The following SLC16A3 variants were observed in gnomAD, a reference collection of about 807,000 sequenced individuals.
SLC16A3 encodes monocarboxylate transporter 4.
A neutral mutation model predicts 25.0 loss-of-function variants in SLC16A3; 22 were observed. That is an observed-to-expected ratio of 0.88 (90% CI 0.63 to 1.26). The LOEUF is 1.26. SLC16A3 is among the 50% of genes most tolerant of loss of function. The pLI is 0.00. For synonymous variants in SLC16A3, 390 were observed against 309.2 expected, an observed-to-expected ratio of 1.26 and a Z score of -2.74; for missense variants, 731 against 666.6, an observed-to-expected ratio of 1.10 and a Z score of -1.06.
chr17:82,236,615 C>T lies in SLC16A3; in HGVS notation c.224-114C>T, dbSNP rs72634335. Reference sequence around the variant, plus strand: ...CCCACGGGGTGCCCCTGGTGCCCCGCGGGGGGAGGGGTGGTGTGGGAAGGG... The same window carrying T: ...CCCACGGGGTGCCCCTGGTGCCCCGTGGGGGGAGGGGTGGTGTGGGAAGGG... On this transcript the variant is annotated intron_variant, in intron 2 of 4. Transcript: ENST00000582743. 16,519 of 1,452,684 alleles carry T rather than the reference C, an allele frequency of 0.011. 1,479 individuals carry two copies. The Admixed American group carries it at 0.2, about 18-fold the overall frequency. The allele number at this position is 1,452,684 out of a possible 1,614,324, so 90.0% of individuals were successfully genotyped here.
chr17:82,220,852 C>T (rs1387539271), intron 1 of SLC16A3, among the ~76,000 whole-genome samples: 4 of 152,130 alleles, frequency 2.6e-5, no homozygotes, highest in Non-Finnish European at 5.9e-5. Flanking sequence ...CAGAGTCTCA[C>T]TCTGTCACCC....
chr17:82,237,640 G>A lies in SLC16A3; in HGVS notation c.870G>A (p.Val290=), dbSNP rs2050642573. The change falls in exon 4 of 5, where the codon GTG becomes GTA. Residue 290 remains valine (V), a synonymous_variant. Coordinates refer to ENST00000582743, the MANE Select transcript of SLC16A3 (RefSeq NM_004207.4). ...GCTTCGTGGCGGGGCTTGGGAAGGT[G>A]CGGCCCTACTCCGTCTACCTCTTCA... The part of the protein sequence containing the change: ...AAGFVAGLGK[V]RPYSVYLFSF... The A allele has an allele frequency of 5.6e-6, 9 of 1,612,780 alleles. No individual in the cohort carries two copies. In the African/African-American group the frequency reaches 1.2e-4, roughly 22 times the overall value.
chr17:82,232,377 C>T (rs2050512011), intron 1 of SLC16A3: 1 of 152,478 alleles, frequency 6.6e-6, no homozygotes, highest in Non-Finnish European at 1.5e-5. Flanking sequence ...GTCTGCAGGT[C>T]CAGACGCCTG....
intron 1 of SLC16A3, chr17:82,234,048 G>C (rs371319167): frequency 1.8e-5 from 1 of 57,006 alleles, no homozygotes; most frequent in Non-Finnish European, 4.5e-5. Context: ...CACCGTGTTA[G>C]CCAGGATGGT....
chr17:82,239,001 C>G lies in SLC16A3; in HGVS notation c.*25C>G. The G allele has an allele frequency of 2.0e-6, 3 of 1,502,826 alleles. No homozygotes were observed. The highest frequency in any genetic ancestry group is 1.4e-5 in the South Asian group (1 of 72,026). 93.1% of individuals were successfully genotyped at this position (1,502,826 alleles called of 1,614,324 possible). A position where few individuals can be genotyped will look rare whatever the true frequency, so the allele number is the denominator to read the frequency against. On this transcript the variant is annotated 3_prime_UTR_variant, in exon 5 of 5. Transcript: ENST00000582743. ...AGTGGCTGGGCGGGGCCGGCAGGCACAGGGAGGAGGTACAGAAGCCGGCAA... is the reference window on the plus strand; with the variant it reads ...AGTGGCTGGGCGGGGCCGGCAGGCAGAGGGAGGAGGTACAGAAGCCGGCAA...
At position 82,237,256 on chromosome 17, in the gene SLC16A3, C is replaced by T. The variant is rs1053362336; in HGVS notation, c.486C>T (p.Ala162=). Residue 162 remains alanine (A), a synonymous_variant, in exon 4 of 5, where the codon GCC becomes GCT. Coordinates refer to ENST00000582743, the MANE Select transcript of SLC16A3 (RefSeq NM_004207.4). ...CAGGTAGCCCTGTCTTCCTGTGTGC[C>T]CTGAGCCCGCTGGGGCAGCTGCTGC... ...AAAGSPVFLC[A]LSPLGQLLQD... 1.3e-6 allele frequency: 2 copies of T among 1,563,906 alleles called. No individual in the cohort carries two copies. The highest frequency in any genetic ancestry group is 1.2e-5 in the South Asian group (1 of 85,230).
upstream of SLC16A3, among the ~76,000 whole-genome samples, chr17:82,223,809 A>G (rs887116584): frequency 1.2e-4 from 19 of 152,028 alleles, no homozygotes; most frequent in African/African-American, 4.6e-4. Flanking sequence ...ACCGCTCAGG[A>G]TCCAATGAGC....
At position 82,239,049 on chromosome 17, in the gene SLC16A3, C is replaced by T. The variant is rs2050696782; in HGVS notation, c.*73C>T. The T allele has an allele frequency of 7.0e-7, 1 of 1,423,710 alleles. No individual in the cohort carries two copies. Among genetic ancestry groups the T allele is most frequent in the Non-Finnish European group, 9.4e-7 (1 of 1,067,032 alleles). The allele number at this position is 1,423,710 out of a possible 1,614,324, so 88.2% of individuals were successfully genotyped here. A position where few individuals can be genotyped will look rare whatever the true frequency, so the allele number is the denominator to read the frequency against. On this transcript the variant is annotated 3_prime_UTR_variant, in exon 5 of 5. Transcript: ENST00000582743. ...CAACGCTTGCTATTTATTTTACAAA[C>T]TGGACTGGCTCAGGCAGGGCCACGG...
chr17:82,237,355 A>G lies in SLC16A3; in HGVS notation c.585A>G (p.Ala195=), dbSNP rs1005982979. The change falls in exon 4 of 5, where the codon GCA becomes GCG. Residue 195 remains alanine, a synonymous_variant. Coordinates refer to ENST00000582743, the MANE Select transcript of SLC16A3 (RefSeq NM_004207.4). ...GLLLNCCVCA[A]LMRPLVVTAQ... ...TGCTCAACTGCTGCGTGTGTGCCGCACTCATGAGGCCCCTGGTGGTCACGG... is the reference window on the plus strand; with the variant it reads ...TGCTCAACTGCTGCGTGTGTGCCGCGCTCATGAGGCCCCTGGTGGTCACGG... 8 of 1,538,218 alleles carry G rather than the reference A, an allele frequency of 5.2e-6. No individual in the cohort carries two copies. The African/African-American group carries it at 6.9e-5, about 13-fold the overall frequency.
At chr17:82,219,739 G>A (rs931041899) in intron 1 of SLC16A3, among the ~76,000 whole-genome samples, 1 of 152,114 alleles carries the variant, frequency 6.6e-6, no homozygotes, top group Admixed American at 6.5e-5. Flanking sequence ...GCACTGAAAG[G>A]CGGGGGGTCT....
chr17:82,224,155 C>CA (rs1956586530), upstream of SLC16A3, among the ~76,000 whole-genome samples: 1 of 92,364 alleles, frequency 1.1e-5, no homozygotes, highest in South Asian at 4.3e-4. Flanking sequence ...TGCAGACACA[C>CA]CCCTACACCC....
At chr17:82,227,228 G>A (rs1018230317), upstream of SLC16A3, among the ~76,000 whole-genome samples, 1 of 152,186 alleles carries the variant, frequency 6.6e-6, no homozygotes, top group African/African-American at 2.4e-5. Context: ...TGGCAGGGGC[G>A]CCCCTTTGTC....
upstream of SLC16A3, among the ~76,000 whole-genome samples, chr17:82,226,454 C>G (rs1390129945): frequency 6.6e-6 from 1 of 152,162 alleles, no homozygotes; most frequent in South Asian, 2.1e-4. Context: ...CTTTCCCACC[C>G]CTTCCCGCAG....
chr17:82,225,494 G>T (rs1185427230), upstream of SLC16A3, among the ~76,000 whole-genome samples: 1 of 152,206 alleles, frequency 6.6e-6, no homozygotes, highest in African/African-American at 2.4e-5. Context: ...CCACAGGTGT[G>T]GAATGACAGG....
chr17:82,236,919 G>A (rs759258474), intron 3 of SLC16A3, 47 bp downstream of exon 3: 2 of 1,594,020 alleles, frequency 1.3e-6, no homozygotes, highest in East Asian at 2.2e-5. Flanking sequence ...AGGGGCAGGG[G>A]CCGTGCACTT....
At chr17:82,231,216 C>G (rs1456655366) in intron 1 of SLC16A3, 1 of 152,166 alleles carries the variant, frequency 6.6e-6, no homozygotes, top group Non-Finnish European at 1.5e-5. Context: ...CTCGACCACC[C>G]GCGCCGACCC....
At chr17:82,218,775 G>T (rs541097090) in intron 1 of SLC16A3, among the ~76,000 whole-genome samples, 2 of 152,310 alleles carry the variant, frequency 1.3e-5, no homozygotes, top group South Asian at 4.1e-4. Flanking sequence ...CGGGCAGCAG[G>T]GACGAGGGCC....
chr17:82,226,884 C>T (rs1175715059), upstream of SLC16A3, among the ~76,000 whole-genome samples: 1 of 152,168 alleles, frequency 6.6e-6, no homozygotes, highest in Non-Finnish European at 1.5e-5. Flanking sequence ...CTGCCTGTTT[C>T]CTCTGGGTAA....
Position 82,236,243 on chromosome 17 carries a change from C to T in SLC16A3, c.223+12C>T, listed in dbSNP as rs757964473. ...GCTCTACGGGACAGGTGAGGGTGGCCTCACACCGGGCCCCCTGTCCGGGGC... is the reference window on the plus strand; with the variant it reads ...GCTCTACGGGACAGGTGAGGGTGGCTTCACACCGGGCCCCCTGTCCGGGGC... On this transcript the variant is annotated intron_variant, in intron 2 of 4. Transcript: ENST00000582743. 1.3e-5 allele frequency: 21 copies of T among 1,610,290 alleles called. No homozygotes were observed. The South Asian group carries it at 2.3e-4, about 18-fold the overall frequency.
Sources: gnomAD v4.1 joint callset for allele counts (sites outside exome capture counted in the v4.1 genomes callset) on GRCh38, gnomAD v4.1.1 for gene constraint, MANE v1.5 for transcripts, NCBI Gene and HGNC (gene_info 2026-07-23, HGNC 2026-07-21) for gene names.